Variants in DIPK2A observed in about 807,000 individuals in gnomAD.
The protein encoded by DIPK2A is Golgi Protein of 49 kDa.
In DIPK2A, 27 loss-of-function variants were observed where a neutral mutation model predicts 39.0. The ratio of observed to expected loss-of-function variants is 0.69; its 90% CI spans 0.51 to 0.96. The LOEUF is 0.96. DIPK2A is among the 40% of genes least tolerant of loss of function. The probability of loss-of-function intolerance (pLI) is 0.00; values close to 1 mark genes in which losing one functional copy is unlikely to be tolerated. For missense variants in DIPK2A, 528 were observed against 571.3 expected (o/e 0.92, Z 0.77); for synonymous variants, 298 against 240.8 (o/e 1.24, Z -2.20).
Position 143,984,687 on chromosome 3 carries a change from T to A in DIPK2A, c.658-856T>A, listed in dbSNP as rs1013508251. Among the ~76,000 whole-genome samples, 10 of 34,462 alleles carry A rather than the reference T, an allele frequency of 2.9e-4. No individual in the cohort carries two copies. The African/African-American group carries it at 9.4e-3, about 32-fold the overall frequency. 22.6% of individuals were successfully genotyped at this position (34,462 alleles called of 152,430 possible). A position where few individuals can be genotyped will look rare whatever the true frequency, so the allele number is the denominator to read the frequency against. On this transcript the variant is annotated intron_variant, in intron 1 of 2. Coordinates refer to ENST00000315691, the MANE Select transcript of DIPK2A (RefSeq NM_173552.5). ...TGAGTGTTCATGGTCATGGAACACG[T>A]TTTTTTTTGATTTAGGATGATAATC...
In DIPK2A at chr3:143,972,738, G is replaced by T. The variant is rs1265238133; in HGVS notation, c.406G>T (p.Asp136Tyr). 2 of 1,585,078 alleles carry T rather than the reference G, an allele frequency of 1.3e-6. No homozygotes were observed. Among genetic ancestry groups the T allele is most frequent in the Middle Eastern group, 1.7e-4 (1 of 5,988 alleles). ...GCGGGCCACCGGCCGGCCCCGCTGCGACCTGCTGCAGGCCATGCCCCGGAC... is the reference window on the plus strand; with the variant it reads ...GCGGGCCACCGGCCGGCCCCGCTGCTACCTGCTGCAGGCCATGCCCCGGAC... ...CKRATGRPRC[D>Y]LLQAMPRTEF... The change falls in exon 1 of 3, where the codon GAC becomes TAC. Residue 136 changes from aspartate (D) to tyrosine (Y), a missense_variant. By Grantham distance (160) the Asp-to-Tyr change is radical (BLOSUM62 -3). Around this residue, in one of 2 missense-constraint regions of DIPK2A, gnomAD observed 309 missense variants for 289.8 expected, o/e 1.07. Transcript: ENST00000315691.
At chr3:143,973,604 TCAGAAA>T in intron 1 of DIPK2A, 1 of 1,460,220 alleles carries the variant, frequency 6.8e-7, no homozygotes, top group East Asian at 2.5e-5. Context: ...GGGATTAGAA[TCAGAAA>T]CAGGAAAAGT....
chr3:143,981,955 C>T (rs1026313298), intron 1 of DIPK2A, among the ~76,000 whole-genome samples: 1 of 152,086 alleles, frequency 6.6e-6, no homozygotes, highest in African/African-American at 2.4e-5. Flanking sequence ...TTTACATTTC[C>T]TTTATTGATC....
In DIPK2A at chr3:143,985,650, G is replaced by A. The variant is rs371349121; in HGVS notation, c.765G>A (p.Ala255=). 120 of 1,613,910 alleles carry A rather than the reference G, an allele frequency of 7.4e-5. No individual in the cohort carries two copies. The highest frequency in any genetic ancestry group is 3.3e-4 in the African/African-American group (25 of 74,912). ...VGEELWSYFN[A]PWEKRVDLAW... ...AAGAACTGTGGAGTTACTTTAATGC[G>A]CCATGGGAAAAACGAGTTGACCTCG... The change falls in exon 2 of 3, where the codon GCG becomes GCA. Residue 255 remains alanine, a synonymous_variant. Coordinates refer to ENST00000315691, the MANE Select transcript of DIPK2A (RefSeq NM_173552.5).
intron 1 of DIPK2A, chr3:143,973,701 A>G (rs927502014): frequency 5.1e-5 from 33 of 649,530 alleles, no homozygotes; most frequent in Non-Finnish European, 7.4e-5. Flanking sequence ...TGCCCTATTC[A>G]TCTGGTAATC....
chr3:143,986,452 C>T (rs1049024083), intron 2 of DIPK2A, among the ~76,000 whole-genome samples: 7 of 152,082 alleles, frequency 4.6e-5, no homozygotes, highest in Non-Finnish European at 1.0e-4. Flanking sequence ...CGGCCGGGTG[C>T]GGTGGCTTAC....
Position 143,972,268 on chromosome 3 carries a change from G to A in DIPK2A, c.-65G>A, listed in dbSNP as rs1284655780. 3.0e-6 allele frequency: 4 copies of A among 1,324,874 alleles called. No individual in the cohort carries two copies. Among genetic ancestry groups the A allele is most frequent in the Non-Finnish European group, 3.9e-6 (4 of 1,037,486 alleles). 82.1% of individuals were successfully genotyped at this position (1,324,874 alleles called of 1,614,324 possible). Reference sequence around the variant, plus strand: ...CGGGGTTCCTGCCGGTAGCTCTCCGGGTCTTGGCGCGGCGGGGGCGCCCCG... The same window carrying A: ...CGGGGTTCCTGCCGGTAGCTCTCCGAGTCTTGGCGCGGCGGGGGCGCCCCG... On this transcript the variant is annotated 5_prime_UTR_variant, in exon 1 of 3. Transcript: ENST00000315691.
In DIPK2A at chr3:143,972,728, GC is replaced by G; in HGVS notation, c.400del (p.Arg134AlafsTer74). On this transcript the variant is annotated frameshift_variant, in exon 1 of 3. Transcript: ENST00000315691. LOFTEE classifies it high-confidence loss of function. ...GCATCTGCAAGCGGGCCACCGGCCG[GC>G]CCCGCTGCGACCTGCTGCAGGCCAT... is the stretch of plus-strand genomic sequence containing the variant. ...QSICKRATGR[P>X]RCDLLQAMPR... is the part of the protein sequence containing the mutation. The G allele has an allele frequency of 6.3e-7, 1 of 1,588,870 alleles. No individual in the cohort carries two copies. Among genetic ancestry groups the G allele is most frequent in the Non-Finnish European group, 8.5e-7 (1 of 1,170,180 alleles).
rs1412055881 is a variant in DIPK2A at position 143,989,681 on chromosome 3, C to G, written c.1133C>G (p.Ser378Cys). 1 of 1,614,258 alleles carries G rather than the reference C, an allele frequency of 6.2e-7. No individual in the cohort carries two copies. Among genetic ancestry groups the G allele is most frequent in the East Asian group, 2.2e-5 (1 of 44,886 alleles). ...LSRHATWRGT[S>C]GGLLHDPPSE... ...AGACATGCCACCTGGCGTGGCACTTCTGGAGGACTCCTTCATGATCCACCA... is the reference window on the plus strand; with the variant it reads ...AGACATGCCACCTGGCGTGGCACTTGTGGAGGACTCCTTCATGATCCACCA... Residue 378 changes from serine (S) to cysteine (C), a missense_variant, in exon 3 of 3, where the codon TCT becomes TGT. Physicochemically the swap from Ser to Cys is moderately radical, Grantham distance 112. This residue lies in a region of DIPK2A where 219 missense variants were observed against 281.5 expected (regional missense o/e 0.78). Coordinates refer to ENST00000315691, the MANE Select transcript of DIPK2A (RefSeq NM_173552.5).
chr3:143,972,420 C>G lies in DIPK2A; in HGVS notation c.88C>G (p.Leu30Val), dbSNP rs374340135. ...ALGSLLVLMV[L>V]HSPSLLASWQ... ...GGGCAGCCTGTTGGTGCTGATGGTG[C>G]TGCACTCGCCGTCGCTGCTCGCCTC... The change falls in exon 1 of 3, where the codon CTG becomes GTG. Residue 30 changes from leucine (L) to valine (V), a missense_variant. This residue lies in a region of DIPK2A where 309 missense variants were observed against 289.8 expected (regional missense o/e 1.07). Transcript: ENST00000315691. 1 of 1,553,534 alleles carries G rather than the reference C, an allele frequency of 6.4e-7. No individual in the cohort carries two copies. The highest frequency in any genetic ancestry group is 1.4e-5 in the African/African-American group (1 of 73,134).
intron 1 of DIPK2A, chr3:143,973,272 TC>T (rs920639915): frequency 6.6e-5 from 92 of 1,390,810 alleles, no homozygotes; most frequent in Non-Finnish European, 8.6e-5. Flanking sequence ...CTCTTAACAC[TC>T]CCCAAAATGT....
At chr3:143,981,424 G>T (rs2107843996) in intron 1 of DIPK2A, among the ~76,000 whole-genome samples, 1 of 152,164 alleles carries the variant, frequency 6.6e-6, no homozygotes, top group East Asian at 1.9e-4. Flanking sequence ...AGCTGCTTTG[G>T]TCTTTTATTC....
At chr3:143,981,834 A>AC (rs1418002085) in intron 1 of DIPK2A, among the ~76,000 whole-genome samples, 1 of 152,202 alleles carries the variant, frequency 6.6e-6, no homozygotes, top group Non-Finnish European at 1.5e-5. Flanking sequence ...AGCTTGGCCT[A>AC]AATTTGCTTC....
At chr3:143,988,104 T>C (rs2087931268) in intron 2 of DIPK2A, among the ~76,000 whole-genome samples, 1 of 151,964 alleles carries the variant, frequency 6.6e-6, no homozygotes, top group Admixed American at 6.6e-5. Flanking sequence ...TCTGATCCTT[T>C]TTTTTTTTTC....
At chr3:143,977,838 G>A (rs997727913) in intron 1 of DIPK2A, among the ~76,000 whole-genome samples, 1 of 151,966 alleles carries the variant, frequency 6.6e-6, no homozygotes, top group Admixed American at 6.5e-5. Flanking sequence ...AAAGGGGGTG[G>A]GGACTTTTAT....
chr3:143,978,687 T>TATATAG (rs2087784315), intron 1 of DIPK2A, among the ~76,000 whole-genome samples: 2 of 126,314 alleles, frequency 1.6e-5, no homozygotes, highest in East Asian at 4.3e-4. Flanking sequence ...TATATCTATA[T>TATATAG]ATATATATAT....
rs1273902096 is a variant in DIPK2A, at chr3:143,991,286, T to G, written c.*1445T>G. On this transcript the variant is annotated 3_prime_UTR_variant, in exon 3 of 3. Coordinates refer to ENST00000315691, the MANE Select transcript of DIPK2A (RefSeq NM_173552.5). ...ATGCACAACCAAAGGCAGGTTTTTC[T>G]TTTTCATTTATTCAGCAACTATTTA... 1 of 152,630 alleles carries G rather than the reference T, an allele frequency of 6.6e-6. No individual in the cohort carries two copies. Among genetic ancestry groups the G allele is most frequent in the Non-Finnish European group, 1.5e-5 (1 of 68,010 alleles). 9.5% of individuals were successfully genotyped at this position (152,630 alleles called of 1,614,324 possible). A position where few individuals can be genotyped will look rare whatever the true frequency, so the allele number is the denominator to read the frequency against.
intron 2 of DIPK2A, among the ~76,000 whole-genome samples, chr3:143,988,942 T>A (rs2087944166): frequency 6.6e-6 from 1 of 152,198 alleles, no homozygotes; most frequent in Non-Finnish European, 1.5e-5. Flanking sequence ...TAAATTATGG[T>A]CGTGATTACA....
intron 1 of DIPK2A, chr3:143,978,651 T>TATATATCTATATATAG (rs1559854224): frequency 1.2e-4 from 5 of 42,084 alleles, no homozygotes; most frequent in Admixed American, 5.0e-4. Context: ...TATATATATA[T>TATATATCTATATATAG]ATATATATCT....
Sources: gnomAD v4.1 joint callset for allele counts (sites outside exome capture counted in the v4.1 genomes callset) on GRCh38, gnomAD v4.1.1 for gene constraint, gnomAD v4.1.1 regional missense constraint, MANE v1.5 for transcripts, NCBI Gene and HGNC (gene_info 2026-07-23, HGNC 2026-07-21) for gene names.